Variants in PLIN2 observed in about 807,000 individuals in gnomAD.
The protein encoded by PLIN2 is perilipin-2.
Under a neutral mutation model 30.6 loss-of-function variants are expected in PLIN2, and 33 were observed. That is an observed-to-expected ratio of 1.08 (90% confidence interval 0.82 to 1.44). PLIN2 has a LOEUF of 1.44. Ranked by LOEUF, PLIN2 falls within the 40% of genes most tolerant of loss-of-function variation. The pLI is 0.00. For synonymous variants in PLIN2, 205 were observed against 201.1 expected (o/e 1.02, Z -0.16); for missense variants, 610 against 531.8 (o/e 1.15, Z -1.45).
chr9:19,126,620 C>T (rs1818405197), intron 1 of PLIN2, among the ~76,000 whole-genome samples, 172 bp from the exon 2 acceptor site: 1 of 152,216 alleles, frequency 6.6e-6, no homozygotes, highest in South Asian at 2.1e-4. Flanking sequence ...GAAAGACCCA[C>T]ACCCACACAA....
downstream of PLIN2, among the ~76,000 whole-genome samples, chr9:19,113,772 TGG>T (rs1818186101): frequency 4.8e-5 from 7 of 146,968 alleles, no homozygotes; most frequent in South Asian, 2.2e-4. Context: ...TTGTTATTTT[TGG>T]TTTTTTTTTT....
At chr9:19,119,093 C>A (rs1038869303) in intron 6 of PLIN2, among the ~76,000 whole-genome samples, 3 of 152,196 alleles carry the variant, frequency 2.0e-5, no homozygotes, top group Non-Finnish European at 4.4e-5. Flanking sequence ...CCACTATTTC[C>A]CCTTCTAAGA....
At chr9:19,116,733 C>G in intron 7 of PLIN2, 84 bp from the exon 8 acceptor site, 1 of 1,119,550 alleles carries the variant, frequency 8.9e-7, no homozygotes, top group Non-Finnish European at 1.3e-6. Flanking sequence ...GTTATGTGTC[C>G]ACCACATATG....
chr9:19,125,922 C>CAA (rs11394383), intron 3 of PLIN2, 192 bp downstream of exon 3: 22,847 of 404,534 alleles, frequency 0.056, 4 homozygotes, highest in Middle Eastern at 0.064. Flanking sequence ...GACTCCATCT[C>CAA]AAAAAAAAAA....
rs1409444000 is a variant in PLIN2 at position 19,119,845 on chromosome 9, T to A, written c.596-14A>T. 5.2e-6 allele frequency: 8 copies of A among 1,543,152 alleles called. No individual in the cohort carries two copies. In the Admixed American group the frequency reaches 9.6e-5, roughly 19 times the overall value. ...TTGCTTCTTTTTCTGAAGTTAGAAA[T>A]AAGAGACAAAAAAACTTAAGGGATC... On this transcript the variant is annotated splice_polypyrimidine_tract_variant and intron_variant, in intron 5 of 7. Coordinates refer to ENST00000276914, the MANE Select transcript of PLIN2 (RefSeq NM_001122.4).
intron 3 of PLIN2, among the ~76,000 whole-genome samples, chr9:19,124,275 G>C (rs2131184664): frequency 6.6e-6 from 1 of 152,252 alleles, no homozygotes; most frequent in East Asian, 1.9e-4. Context: ...CTGTCATTCA[G>C]AGAATAAGGT....
At chr9:19,109,311 T>C (rs1187819318) in intron 2 of PLIN2, among the ~76,000 whole-genome samples, 8 of 151,890 alleles carry the variant, frequency 5.3e-5, no homozygotes, top group Admixed American at 3.9e-4. Flanking sequence ...TCCCAGCCCT[T>C]TGGGAGGCCG....
chr9:19,119,262 C>G (rs1270776347), intron 6 of PLIN2, among the ~76,000 whole-genome samples: 2 of 152,186 alleles, frequency 1.3e-5, no homozygotes, highest in Non-Finnish European at 2.9e-5. Context: ...AACAAATATA[C>G]ACATCTGTAA....
At chr9:19,127,000 T>A (rs1818412278) in intron 1 of PLIN2, among the ~76,000 whole-genome samples, 1 of 151,902 alleles carries the variant, frequency 6.6e-6, no homozygotes, top group East Asian at 1.9e-4. Context: ...CTAGATGGCG[T>A]CACTGCACTC....
At chr9:19,118,566 G>A (rs1465640185) in intron 6 of PLIN2, 111 bp from the exon 7 acceptor site, 1 of 915,608 alleles carries the variant, frequency 1.1e-6, no homozygotes, top group Non-Finnish European at 1.6e-6. Context: ...ATTTCCTGGA[G>A]TTGAATAAGA....
intron 3 of PLIN2, chr9:19,125,549 G>A (rs1588648258): frequency 6.6e-6 from 1 of 152,518 alleles, no homozygotes; most frequent in Admixed American, 6.5e-5. Context: ...ACCTCCCAAA[G>A]TGCTAGGATT....
At chr9:19,121,842 A>G (rs1042874363) in intron 4 of PLIN2, among the ~76,000 whole-genome samples, 1 of 152,212 alleles carries the variant, frequency 6.6e-6, no homozygotes, top group Non-Finnish European at 1.5e-5. Flanking sequence ...GAGGCAGAAG[A>G]ATCACTTGAA....
Position 19,116,022 on chromosome 9 carries a change from G to C in PLIN2, c.*226C>G. On this transcript the variant is annotated 3_prime_UTR_variant, in exon 8 of 8. Coordinates refer to ENST00000276914, the MANE Select transcript of PLIN2 (RefSeq NM_001122.4). ...GCATTTGAATTTTTTCTGAGTTCTGGCTATAGGCTCTGACAAGCCTATCAT... is the reference window on the plus strand; with the variant it reads ...GCATTTGAATTTTTTCTGAGTTCTGCCTATAGGCTCTGACAAGCCTATCAT... 2 of 434,926 alleles carry C rather than the reference G, an allele frequency of 4.6e-6. No homozygotes were observed. The highest frequency in any genetic ancestry group is 8.1e-6 in the Non-Finnish European group (2 of 246,248). 26.9% of individuals were successfully genotyped at this position (434,926 alleles called of 1,614,324 possible).
chr9:19,123,377 T>G (rs1041383465), intron 4 of PLIN2, 188 bp downstream of exon 4: 2 of 1,551,120 alleles, frequency 1.3e-6, no homozygotes, highest in African/African-American at 2.7e-5. Context: ...AGTTCTTCTC[T>G]GCTTCGTAGA....
chr9:19,123,891 C>T (rs764919121), intron 3 of PLIN2, among the ~76,000 whole-genome samples: 3 of 151,742 alleles, frequency 2.0e-5, no homozygotes, highest in Non-Finnish European at 2.9e-5. Flanking sequence ...TGATGGTGTG[C>T]GCCTGTAGTC....
intron 3 of PLIN2, among the ~76,000 whole-genome samples, chr9:19,125,324 G>A (rs189850177): frequency 1.4e-3 from 212 of 152,224 alleles, no homozygotes; most frequent in Non-Finnish European, 2.2e-3. Context: ...AGGCCGAGGC[G>A]GGCGGATCAC....
chr9:19,119,160 A>C (rs1277698788), intron 6 of PLIN2, among the ~76,000 whole-genome samples: 2 of 152,156 alleles, frequency 1.3e-5, no homozygotes, highest in African/African-American at 2.4e-5. Context: ...TAACTTGGAA[A>C]CCTTTAATGG....
Position 19,118,376 on chromosome 9 carries a change from A to T in PLIN2, c.857T>A (p.Val286Glu), listed in dbSNP as rs905213575. The change falls in exon 7 of 8, where the codon GTA becomes GAA. Residue 286 changes from valine (V) to glutamate (E), a missense_variant. By Grantham distance (121) the Val-to-Glu change is moderately radical (BLOSUM62 -2). Transcript: ENST00000276914. Reference protein sequence around the residue: ...DAQDKLYLSWVEWKRSIGYDD... With the variant: ...DAQDKLYLSWEEWKRSIGYDD... ...ATATCCAATGCTCCTTTTCCACTCT[A>T]CCCATGAGAGGTAGAGCTTATCCTG... 41 of 1,613,310 alleles carry T rather than the reference A, an allele frequency of 2.5e-5. No homozygotes were observed. Among genetic ancestry groups the T allele is most frequent in the Non-Finnish European group, 3.5e-5 (41 of 1,179,366 alleles).
At chr9:19,115,757 C>T (rs1818211433), downstream of PLIN2, 2 of 153,900 alleles carry the variant, frequency 1.3e-5, no homozygotes, top group South Asian at 4.1e-4. Context: ...GAACAAACAG[C>T]ATGTAACTGG....
Sources: gnomAD v4.1 joint callset for allele counts (sites outside exome capture counted in the v4.1 genomes callset) on GRCh38, gnomAD v4.1.1 for gene constraint, MANE v1.5 for transcripts, NCBI Gene and HGNC (gene_info 2026-07-23, HGNC 2026-07-21) for gene names.